The following DHX34 variants were observed in gnomAD, a reference collection of about 807,000 sequenced individuals.
DHX34 encodes the protein probable ATP-dependent RNA helicase DHX34.
A neutral mutation model predicts 111.1 loss-of-function variants in DHX34; 96 were observed. The observed-to-expected ratio is 0.86, with a 90% CI of 0.73 to 1.02. The LOEUF (loss-of-function observed/expected upper bound fraction) is 1.02, where lower values mean the gene tolerates loss of function less well. Ranked by LOEUF, DHX34 falls within the 50% of genes least tolerant of loss-of-function variation. The probability of loss-of-function intolerance (pLI) is 0.00; values close to 1 mark genes in which losing one functional copy is unlikely to be tolerated. For synonymous variants in DHX34, 688 were observed against 670.4 expected (o/e 1.03, Z -0.41); for missense variants, 1,560 against 1,579.9 (o/e 0.99, Z 0.21).
rs115097682 is a variant in DHX34, at chr19:47,354,299, T to C, written c.705+564T>C. Among the ~76,000 whole-genome samples, 1,329 of 152,226 alleles carry C rather than the reference T, an allele frequency of 8.7e-3. 15 individuals are homozygous for C. Among genetic ancestry groups the C allele is most frequent in the African/African-American group, 0.029 (1,215 of 41,520 alleles). On this transcript the variant is annotated intron_variant, in intron 2 of 16. Transcript: ENST00000328771. ...TCTTGACGATCACTGCAATGCAAAC[T>C]GCCATCTTGGAAGGCCAATAATAGT...
chr19:47,382,033 C>G lies in DHX34; in HGVS notation c.3352C>G (p.Pro1118Ala). 1 of 1,614,140 alleles carries G rather than the reference C, an allele frequency of 6.2e-7. No homozygotes were observed. The highest frequency in any genetic ancestry group is 8.5e-7 in the Non-Finnish European group (1 of 1,180,016). ...CCAGAAGACATCTGTCCTGCAGAGG[C>G]CCTACCACTGCGAGGCCTGCGGGAA... ...TLQKTSVLQR[P>A]YHCEACGKDF... The change falls in exon 17 of 17, where the codon CCC becomes GCC. Residue 1118 changes from proline to alanine, a missense_variant. Pro to Ala is a conservative substitution (Grantham distance 27). Transcript: ENST00000328771.
chr19:47,358,301 C>G (rs966536629), intron 4 of DHX34, among the ~76,000 whole-genome samples, 181 bp downstream of exon 4: 4 of 152,222 alleles, frequency 2.6e-5, no homozygotes, highest in African/African-American at 9.6e-5. Context: ...AGCCCATGCT[C>G]TAAACCAGAG....
At chr19:47,350,228 AG>A (rs1969242799) in intron 1 of DHX34, among the ~76,000 whole-genome samples, 1 of 151,864 alleles carries the variant, frequency 6.6e-6, no homozygotes. Context: ...GACAAAAGGG[AG>A]GAAAAAAAGA....
intron 2 of DHX34, 81 bp from the exon 3 acceptor site, chr19:47,354,958 T>A: frequency 6.4e-7 from 1 of 1,563,398 alleles, no homozygotes; most frequent in Non-Finnish European, 8.7e-7. Flanking sequence ...CCGGCCTGCT[T>A]AGATTTTCAA....
At chr19:47,378,651 GAGACTCTATCTATC>G (rs1970246820) in intron 13 of DHX34, among the ~76,000 whole-genome samples, 1 of 151,938 alleles carries the variant, frequency 6.6e-6, no homozygotes, top group Admixed American at 6.6e-5. Context: ...GCAACATAGG[GAGACTCTATCTATC>G]TCTACAAAAA....
intron 1 of DHX34, among the ~76,000 whole-genome samples, chr19:47,349,689 T>A (rs946345350): frequency 2.0e-5 from 3 of 150,144 alleles, no homozygotes; most frequent in African/African-American, 7.4e-5. Context: ...CCAGCGAGAG[T>A]CTTAGAGCCC....
intron 2 of DHX34, among the ~76,000 whole-genome samples, chr19:47,354,605 T>A (rs1969393576): frequency 6.6e-6 from 1 of 152,130 alleles, no homozygotes; most frequent in African/African-American, 2.4e-5. Context: ...GCTGTTGGAC[T>A]CCAGAGTCTG....
At chr19:47,367,362 ATTT>A (rs1259872156) in intron 7 of DHX34, among the ~76,000 whole-genome samples, 1 of 152,196 alleles carries the variant, frequency 6.6e-6, no homozygotes. Context: ...GGGAGCTGAC[ATTT>A]TGGTGAAGAA....
chr19:47,382,129 C>A lies in DHX34; in HGVS notation c.*16C>A. The stretch of plus-strand genomic sequence containing the variant: ...GCACGTGTGAGCTGGGCCAGGAGCC[C>A]TGCCCACCTCCGTGCAGCTGACCTG... On this transcript the variant is annotated 3_prime_UTR_variant, in exon 17 of 17. Coordinates refer to ENST00000328771, the MANE Select transcript of DHX34 (RefSeq NM_014681.6). 1 of 1,613,090 alleles carries A rather than the reference C, an allele frequency of 6.2e-7. No homozygotes were observed. The highest frequency in any genetic ancestry group is 8.5e-7 in the Non-Finnish European group (1 of 1,179,644).
intron 6 of DHX34, among the ~76,000 whole-genome samples, chr19:47,363,817 C>CAAA (rs34357751): frequency 1.3e-5 from 1 of 76,220 alleles, no homozygotes; most frequent in Non-Finnish European, 3.1e-5. Flanking sequence ...GACTCCATCT[C>CAAA]AAAAAAAAAA....
In DHX34 at chr19:47,362,649, G is replaced by A. The variant is rs765302193; in HGVS notation, c.1549G>A (p.Val517Ile). The change falls in exon 6 of 17, where the codon GTC becomes ATC. Residue 517 changes from valine (V) to isoleucine (I), a missense_variant. By Grantham distance (29) the Val-to-Ile change is conservative (BLOSUM62 3). Coordinates refer to ENST00000328771, the MANE Select transcript of DHX34 (RefSeq NM_014681.6). ...SDYDAFAPYP[V>I]PEIRRVALDS... ...CTATGATGCCTTCGCCCCCTACCCC[G>A]TCCCAGAAATTCGGAGGGTGGCCCT... The A allele has an allele frequency of 2.4e-5, 38 of 1,613,112 alleles. No homozygotes were observed. The highest frequency in any genetic ancestry group is 1.6e-4 in the African/African-American group (12 of 74,896).
At chr19:47,377,907 C>T (rs760361117) in intron 13 of DHX34, among the ~76,000 whole-genome samples, 10 of 152,132 alleles carry the variant, frequency 6.6e-5, no homozygotes, top group Admixed American at 2.6e-4. Context: ...CCCATGGCAG[C>T]CACTGCCCTG....
chr19:47,372,701 G>T, intron 7 of DHX34, 29 bp from the exon 8 acceptor site: 2 of 1,547,834 alleles, frequency 1.3e-6, no homozygotes, highest in South Asian at 1.2e-5. Flanking sequence ...TGGCACCCAG[G>T]AGCCTCAACC....
In DHX34 at chr19:47,377,216, T is replaced by C. The variant is rs371047055; in HGVS notation, c.2706+10T>C. The C allele has an allele frequency of 6.2e-7, 1 of 1,609,714 alleles. No individual in the cohort carries two copies. Among genetic ancestry groups the C allele is most frequent in the Non-Finnish European group, 8.5e-7 (1 of 1,177,876 alleles). ...CATCCCTGCCCTCCAGGTGGGCCTC[T>C]GCCCCACCCCGCCCCCATGCCCAGA... is the stretch of plus-strand genomic sequence containing the variant. On this transcript the variant is annotated intron_variant, in intron 13 of 16. Transcript: ENST00000328771.
At chr19:47,351,484 A>G (rs1448444149) in intron 1 of DHX34, among the ~76,000 whole-genome samples, 4 of 152,068 alleles carry the variant, frequency 2.6e-5, no homozygotes, top group Non-Finnish European at 5.9e-5. Flanking sequence ...AAGCTTCAAG[A>G]CCTAAATGAT....
chr19:47,368,353 C>T (rs1442790234), intron 7 of DHX34, among the ~76,000 whole-genome samples: 3 of 120,098 alleles, frequency 2.5e-5, no homozygotes, highest in Non-Finnish European at 4.8e-5. Context: ...GTTGCCCAGG[C>T]TGGAGTGCAA....
chr19:47,379,291 C>T (rs1970273060), intron 13 of DHX34, among the ~76,000 whole-genome samples: 1 of 152,142 alleles, frequency 6.6e-6, no homozygotes, highest in African/African-American at 2.4e-5. Context: ...GCCCTGGCCC[C>T]AGCCCTGAGG....
chr19:47,378,606 G>C (rs1239475812), intron 13 of DHX34, among the ~76,000 whole-genome samples: 1 of 152,284 alleles, frequency 6.6e-6, no homozygotes, highest in East Asian at 1.9e-4. Context: ...GAGGTGGGAG[G>C]ATTGTTTGAG....
At chr19:47,372,316 C>T (rs139731016) in intron 7 of DHX34, among the ~76,000 whole-genome samples, 1 of 152,152 alleles carries the variant, frequency 6.6e-6, no homozygotes, top group African/African-American at 2.4e-5. Flanking sequence ...TTACAGGTGA[C>T]ACTCTAGCGC....
Sources: allele counts gnomAD v4.1 joint callset (sites outside exome capture counted in the v4.1 genomes callset), GRCh38; gene constraint gnomAD v4.1.1; transcripts MANE v1.5; gene names NCBI Gene and HGNC (gene_info 2026-07-23, HGNC 2026-07-21).